Variants in AHRR observed in about 807,000 individuals in gnomAD.
The protein encoded by AHRR is aryl hydrocarbon receptor repressor, also known as ahR repressor.
AHRR carries 28 observed loss-of-function variants against 44.0 expected under a neutral mutation model. That is an observed-to-expected ratio of 0.64 (90% CI 0.47 to 0.87). The LOEUF is 0.87. AHRR is among the 40% of genes least tolerant of loss of function. The pLI is 0.00. For missense variants in AHRR, 990 were observed against 953.9 expected, an observed-to-expected ratio of 1.04 and a Z score of -0.50; for synonymous variants, 434 against 407.0, an observed-to-expected ratio of 1.07 and a Z score of -0.80.
In AHRR at chr5:390,279, C is replaced by T. The variant is rs369941367; in HGVS notation, c.351+13563C>T. On this transcript the variant is annotated intron_variant, in intron 4 of 10. Transcript: ENST00000684583. The stretch of plus-strand genomic sequence containing the variant: ...CCATGTGACCGTTATGCATCACACG[C>T]CTGCATCAAAACATCTCAGACACGC... Among the ~76,000 whole-genome samples the T allele has an allele frequency of 2.6e-5, 4 of 152,306 alleles. No individual in the cohort carries two copies. The East Asian group carries it at 7.7e-4, about 29-fold the overall frequency.
chr5:437,464 ACAC>A lies in AHRR; in HGVS notation c.*2633_*2635del, dbSNP rs1737136999. On this transcript the variant is annotated 3_prime_UTR_variant, in exon 11 of 11. Coordinates refer to ENST00000684583, the MANE Select transcript of AHRR (RefSeq NM_001377236.1). ...GAGCCAACGGCTGTCACTGGGAAAA[ACAC>A]CAGGCCCCAAAGATCGAATCAGAGA... 1 of 152,352 alleles carries A rather than the reference ACAC, an allele frequency of 6.6e-6. No homozygotes were observed. Among genetic ancestry groups the A allele is most frequent in the Admixed American group, 6.5e-5 (1 of 15,286 alleles). The allele number at this position is 152,352 out of a possible 1,614,324, so 9.4% of individuals were successfully genotyped here. A position where few individuals can be genotyped will look rare whatever the true frequency, so the allele number is the denominator to read the frequency against.
chr5:373,001 G>T (rs1172919149), intron 3 of AHRR, among the ~76,000 whole-genome samples: 2 of 152,234 alleles, frequency 1.3e-5, no homozygotes, highest in Non-Finnish European at 2.9e-5. Flanking sequence ...GCACAGGGTC[G>T]CCCGAGGCCT....
Position 433,857 on chromosome 5 carries a change from A to G in AHRR, c.1117A>G (p.Arg373Gly), listed in dbSNP as rs781672427. The change falls in exon 11 of 11, where the codon AGG becomes GGG. Residue 373 changes from arginine (R) to glycine (G), a missense_variant. Coordinates refer to ENST00000684583, the MANE Select transcript of AHRR (RefSeq NM_001377236.1). ...VLDPKGGSGD[R>G]EEEQHRMLSR... ...GGCCCCGTCTTTTCTCTGCAGGGAC[A>G]GGGAGGAGGAGCAGCACAGGATGCT... 69 of 1,491,716 alleles carry G rather than the reference A, an allele frequency of 4.6e-5. No individual in the cohort carries two copies. The highest frequency in any genetic ancestry group is 6.1e-5 in the Non-Finnish European group (69 of 1,123,592). 92.4% of individuals were successfully genotyped at this position (1,491,716 alleles called of 1,614,324 possible).
intron 3 of AHRR, among the ~76,000 whole-genome samples, chr5:373,495 G>A (rs974301773): frequency 6.6e-6 from 1 of 152,222 alleles, no homozygotes; most frequent in Non-Finnish European, 1.5e-5. Context: ...TAAGGGCCAC[G>A]GTGATGGCCC....
chr5:324,007 CTT>C (rs1192093138), intron 1 of AHRR, among the ~76,000 whole-genome samples: 1 of 90,874 alleles, frequency 1.1e-5, no homozygotes, highest in African/African-American at 5.5e-5. Context: ...CTTTTTTTCT[CTT>C]TCTTTCTTTC....
intron 4 of AHRR, among the ~76,000 whole-genome samples, chr5:382,677 A>C (rs942207810): frequency 6.6e-6 from 1 of 151,042 alleles, no homozygotes; most frequent in African/African-American, 2.4e-5. Flanking sequence ...CTTGGTTTGG[A>C]TTTAATTTCC....
intron 3 of AHRR, among the ~76,000 whole-genome samples, chr5:363,723 G>A (rs1411637347): frequency 1.3e-5 from 2 of 152,188 alleles, no homozygotes; most frequent in Non-Finnish European, 2.9e-5. Flanking sequence ...CAGGCCTCGT[G>A]AAACCCCTCT....
At chr5:431,276 C>G (rs79210819) in intron 8 of AHRR, among the ~76,000 whole-genome samples, 4,183 of 152,336 alleles carry the variant, frequency 0.027, 174 homozygotes, top group African/African-American at 0.092. Context: ...GACGAGACCC[C>G]CTGTGGGGCT....
intron 7 of AHRR, among the ~76,000 whole-genome samples, chr5:424,583 G>A (rs1313596881): frequency 6.6e-6 from 1 of 152,152 alleles, no homozygotes. Context: ...AAGCCAGGTC[G>A]ATGAGAATGT....
intron 3 of AHRR, 50 bp from the exon 4 acceptor site, chr5:376,557 AGTG>A (rs1733702611): frequency 1.0e-5 from 15 of 1,429,266 alleles, no homozygotes; most frequent in African/African-American, 4.3e-5. Flanking sequence ...AATGAAGAAG[AGTG>A]GCCAGGCCAA....
At chr5:427,273 C>T (rs1313932112) in intron 7 of AHRR, among the ~76,000 whole-genome samples, 2 of 152,212 alleles carry the variant, frequency 1.3e-5, no homozygotes, top group Admixed American at 1.3e-4. Flanking sequence ...ATATAACAAA[C>T]TCCTAGCTTA....
rs1212030931 is a variant in AHRR, at chr5:434,009, G to A, written c.1269G>A (p.Pro423=). ...GGCTGCAGCCCAGCAAGAATGACCC[G>A]CCCTCCCTGCGCCCCATGCCCCGCG... ...RPRLQPSKND[P]PSLRPMPRGS... The change falls in exon 11 of 11, where the codon CCG becomes CCA. Residue 423 remains proline, a synonymous_variant. Transcript: ENST00000684583. 1.3e-5 allele frequency: 20 copies of A among 1,580,818 alleles called. No individual in the cohort carries two copies. Among genetic ancestry groups the A allele is most frequent in the Admixed American group, 3.6e-5 (2 of 55,750 alleles).
chr5:422,663 T>C, intron 5 of AHRR, 66 bp from the exon 6 acceptor site: 1 of 1,611,560 alleles, frequency 6.2e-7, no homozygotes, highest in Non-Finnish European at 8.5e-7. Context: ...CGGTTACTCG[T>C]CGGTGGAATA....
chr5:412,795 G>A (rs1003631420), intron 4 of AHRR, among the ~76,000 whole-genome samples: 8 of 141,562 alleles, frequency 5.7e-5, no homozygotes, highest in Admixed American at 7.7e-5. Flanking sequence ...ACCTCGGCTC[G>A]CTGCAACCTC....
chr5:376,106 G>GTTGCGGCCCCTGGGGGC (rs1733621151), intron 3 of AHRR, among the ~76,000 whole-genome samples: 1 of 152,160 alleles, frequency 6.6e-6, no homozygotes. Context: ...AGGCGATGCG[G>GTTGCGGCCCCTGGGGGC]GTGTGCAGGG....
At chr5:409,016 C>T (rs1383060003) in intron 4 of AHRR, among the ~76,000 whole-genome samples, 1 of 152,196 alleles carries the variant, frequency 6.6e-6, no homozygotes, top group African/African-American at 2.4e-5. Context: ...ACCCAGGGAA[C>T]CACTTTCTGA....
chr5:397,608 C>CCCCTGACCA (rs1734789002), intron 4 of AHRR, among the ~76,000 whole-genome samples: 5 of 74,036 alleles, frequency 6.8e-5, no homozygotes, highest in Non-Finnish European at 1.3e-4. Flanking sequence ...ATCCACGTAG[C>CCCCTGACCA]TCCTGACCAT....
At chr5:407,686 T>C (rs1415830381) in intron 4 of AHRR, among the ~76,000 whole-genome samples, 3 of 152,152 alleles carry the variant, frequency 2.0e-5, no homozygotes, top group African/African-American at 4.8e-5. Flanking sequence ...ACCACAGGCA[T>C]GCGCCACCAC....
chr5:365,984 T>C (rs1180712357), intron 3 of AHRR, among the ~76,000 whole-genome samples: 1 of 152,062 alleles, frequency 6.6e-6, no homozygotes, highest in Non-Finnish European at 1.5e-5. Flanking sequence ...ATTGGAGGTA[T>C]TGGTGTGAGC....
Sources: allele counts gnomAD v4.1 joint callset (sites outside exome capture counted in the v4.1 genomes callset), GRCh38; gene constraint gnomAD v4.1.1; transcripts MANE v1.5; gene names NCBI Gene and HGNC (gene_info 2026-07-23, HGNC 2026-07-21).